CCDC66: variants seen among roughly 807,000 people sequenced by gnomAD.
The protein encoded by CCDC66 is coiled-coil domain-containing protein 66.
A neutral mutation model predicts 128.3 loss-of-function variants in CCDC66; 133 were observed. The observed-to-expected ratio is 1.04, with a 90% confidence interval of 0.90 to 1.20. CCDC66 has a LOEUF of 1.20. Among genes scored for constraint, CCDC66 ranks in the 50% most tolerant of loss-of-function variants. CCDC66 has a pLI of 0.00. For missense variants in CCDC66, 1,126 were observed against 1,075.5 expected (o/e 1.05, Z -0.66); for synonymous variants, 387 against 357.0 (o/e 1.08, Z -0.95).
At chr3:56,617,028 A>T in intron 13 of CCDC66, 84 bp from the exon 14 acceptor site, 2 of 1,117,790 alleles carry the variant, frequency 1.8e-6, no homozygotes, top group Non-Finnish European at 2.5e-6. Flanking sequence ...AGAGGGCAAT[A>T]ATTGTTTAAT....
intron 7 of CCDC66, among the ~76,000 whole-genome samples, chr3:56,573,582 G>A (rs2066924774): frequency 6.6e-6 from 1 of 152,214 alleles, no homozygotes. Flanking sequence ...GTCAGCGTTA[G>A]CATGATCCAA....
chr3:56,616,030 A>T lies in CCDC66; in HGVS notation c.1820A>T (p.Lys607Met), dbSNP rs78390431. 6 of 1,365,830 alleles carry T rather than the reference A, an allele frequency of 4.4e-6. No individual in the cohort carries two copies. Among genetic ancestry groups the T allele is most frequent in the African/African-American group, 3.5e-5 (2 of 57,134 alleles). The allele number at this position is 1,365,830 out of a possible 1,614,324, so 84.6% of individuals were successfully genotyped here. A position where few individuals can be genotyped will look rare whatever the true frequency, so the allele number is the denominator to read the frequency against. ...ACATATATGAATTCTACGACTTCTA[A>T]GAAGGATACTGGTGTGCAAACAGGT... is the stretch of plus-strand genomic sequence containing the variant. Reference protein sequence around the residue: ...MNTYMNSTTSKKDTGVQTDDL... With the variant: ...MNTYMNSTTSMKDTGVQTDDL... Residue 607 changes from lysine to methionine, a missense_variant, in exon 13 of 18, where the codon AAG (lysine) becomes ATG (methionine). Transcript: ENST00000394672.
At chr3:56,615,459 G>A in intron 12 of CCDC66, 187 bp downstream of exon 12, 1 of 568,984 alleles carries the variant, frequency 1.8e-6, no homozygotes, top group Non-Finnish European at 2.9e-6. Flanking sequence ...GCCCAGGCTG[G>A]TCTTGCTGCC....
At position 56,593,474 on chromosome 3, in the gene CCDC66, T is replaced by G. The variant is rs2071304489; in HGVS notation, c.1069-17T>G. 6.2e-7 allele frequency: 1 copy of G among 1,605,834 alleles called. No individual in the cohort carries two copies. Among genetic ancestry groups the G allele is most frequent in the Non-Finnish European group, 8.5e-7 (1 of 1,174,834 alleles). On this transcript the variant is annotated splice_polypyrimidine_tract_variant and intron_variant, in intron 8 of 17. Transcript: ENST00000394672. ...TAATTGGAAAAATTCTTAGCAATTC[T>G]TATTTGTCATCATTAGGGTGAGGAA...
At chr3:56,598,559 T>C (rs961387842) in intron 10 of CCDC66, among the ~76,000 whole-genome samples, 1 of 151,950 alleles carries the variant, frequency 6.6e-6, no homozygotes, top group African/African-American at 2.4e-5. Context: ...GTTTGTCATA[T>C]ATAGTCTTTA....
intron 6 of CCDC66, among the ~76,000 whole-genome samples, chr3:56,567,327 T>A (rs1252197962): frequency 6.6e-6 from 1 of 152,014 alleles, no homozygotes; most frequent in Non-Finnish European, 1.5e-5. Context: ...GAGGCAGAGG[T>A]TGCAGTGAGC....
In CCDC66 at chr3:56,566,746, CA is replaced by C; in HGVS notation, c.703del (p.Ile235LeufsTer3). 1 of 1,608,308 alleles carries C rather than the reference CA, an allele frequency of 6.2e-7. No individual in the cohort carries two copies. The highest frequency in any genetic ancestry group is 8.5e-7 in the Non-Finnish European group (1 of 1,177,662). On this transcript the variant is annotated frameshift_variant, in exon 5 of 18. Transcript: ENST00000394672. LOFTEE classifies it high-confidence loss of function. The part of the protein sequence containing the change: ...EHQETSKQCE[Q>X]KIAIENEWKP... ...TCAGGAGACATCTAAACAGTGTGAGCAAAAAATTGCCATGTATGTAACTCCT... is the reference window on the plus strand; with the variant it reads ...TCAGGAGACATCTAAACAGTGTGAGCAAAAATTGCCATGTATGTAACTCCT...
intron 17 of CCDC66, 64 bp from the exon 18 acceptor site, chr3:56,621,468 T>C (rs1356618297): frequency 9.3e-7 from 1 of 1,079,384 alleles, no homozygotes; most frequent in Non-Finnish European, 1.3e-6. Flanking sequence ...AATTCTAGTT[T>C]AACACAACAT....
In CCDC66 at chr3:56,597,777, G is replaced by GTTTTTTTTTTTTTTT. The variant is rs3064563; in HGVS notation, c.1404+3750_1404+3764dup. 3.0e-4 allele frequency among the ~76,000 whole-genome samples: 26 copies of GTTTTTTTTTTTTTTT among 87,954 alleles called. 3 individuals are homozygous for GTTTTTTTTTTTTTTT. In the East Asian group the frequency reaches 3.4e-3, roughly 12 times the overall value. The allele number at this position is 87,954 out of a possible 152,430, so 57.7% of individuals were successfully genotyped here. On this transcript the variant is annotated intron_variant, in intron 10 of 17. Transcript: ENST00000394672. Reference sequence around the variant, plus strand: ...TGTGGAGTCTAGGTTTTGTTTTGGGGTTTTTTTTTTTTTTTGAGACAGAGC... The same window carrying GTTTTTTTTTTTTTTT: ...TGTGGAGTCTAGGTTTTGTTTTGGGGTTTTTTTTTTTTTTTTTTTTTTTTTTTTTTGAGACAGAGC...
At position 56,558,916 on chromosome 3, in the gene CCDC66, T is replaced by C. The variant is rs2064729298; in HGVS notation, c.76+6T>C. 1.3e-6 allele frequency: 2 copies of C among 1,529,898 alleles called. No homozygotes were observed. Among genetic ancestry groups the C allele is most frequent in the African/African-American group, 1.4e-5 (1 of 72,438 alleles). The allele number at this position is 1,529,898 out of a possible 1,614,324, so 94.8% of individuals were successfully genotyped here. A position where few individuals can be genotyped will look rare whatever the true frequency, so the allele number is the denominator to read the frequency against. On this transcript the variant is annotated splice_donor_region_variant and intron_variant, in intron 2 of 17. Coordinates refer to ENST00000394672, the MANE Select transcript of CCDC66 (RefSeq NM_001141947.3). ...GCTAATATTGTCTCCATATGGTATG[T>C]TGTGTTACAGAAATCTGAAATGTTA...
At chr3:56,593,205 C>G in intron 8 of CCDC66, 104 bp downstream of exon 8, 1 of 967,276 alleles carries the variant, frequency 1.0e-6, no homozygotes, top group Non-Finnish European at 1.5e-6. Flanking sequence ...CCAGAATATT[C>G]CATTTATTCC....
At position 56,558,859 on chromosome 3, in the gene CCDC66, C is replaced by T; in HGVS notation, c.25C>T (p.Leu9Phe). ...TTTTTATTACAGAGATGGTTTAAAG[C>T]TTGAAACTGAATTACTGGATGGAAA... MNLGDGLK[L>F]ETELLDGKTK... is the part of the protein sequence containing the mutation. Residue 9 changes from leucine (L) to phenylalanine (F), a missense_variant, in exon 2 of 18, where the codon CTT (leucine) becomes TTT (phenylalanine). Physicochemically the swap from Leu to Phe is conservative, Grantham distance 22. Coordinates refer to ENST00000394672, the MANE Select transcript of CCDC66 (RefSeq NM_001141947.3). 6.5e-7 allele frequency: 1 copy of T among 1,548,810 alleles called. No individual in the cohort carries two copies. Among genetic ancestry groups the T allele is most frequent in the Admixed American group, 2.0e-5 (1 of 50,948 alleles).
intron 7 of CCDC66, among the ~76,000 whole-genome samples, chr3:56,584,154 G>A (rs2069038730): frequency 6.8e-6 from 1 of 146,270 alleles, no homozygotes; most frequent in Non-Finnish European, 1.5e-5. Context: ...GCCGGGCGGG[G>A]GCGGCCCCCC....
Position 56,621,685 on chromosome 3 carries a change from C to T in CCDC66, c.*67C>T, listed in dbSNP as rs1274439286. 6 of 1,099,350 alleles carry T rather than the reference C, an allele frequency of 5.5e-6. No homozygotes were observed. Among genetic ancestry groups the T allele is most frequent in the Non-Finnish European group, 8.0e-6 (6 of 750,336 alleles). 68.1% of individuals were successfully genotyped at this position (1,099,350 alleles called of 1,614,324 possible). On this transcript the variant is annotated 3_prime_UTR_variant, in exon 18 of 18. Coordinates refer to ENST00000394672, the MANE Select transcript of CCDC66 (RefSeq NM_001141947.3). ...AAATTATAAAATGTGCTCACTGGCT[C>T]AACTGTATTTTTCAAATAGCCTAGA... is the stretch of plus-strand genomic sequence containing the variant.
chr3:56,557,852 CTA>C (rs1217553292), intron 1 of CCDC66: 1 of 152,652 alleles, frequency 6.6e-6, no homozygotes, highest in Non-Finnish European at 1.5e-5. Flanking sequence ...TCAGACCTAA[CTA>C]CACATCGTTC....
intron 10 of CCDC66, among the ~76,000 whole-genome samples, chr3:56,612,977 G>A (rs951409388): frequency 6.6e-5 from 10 of 152,158 alleles, no homozygotes; most frequent in Non-Finnish European, 1.5e-4. Flanking sequence ...CTGCATTGTA[G>A]CTCTGCTACT....
chr3:56,578,283 G>T (rs1391562090), intron 7 of CCDC66, among the ~76,000 whole-genome samples: 1 of 151,738 alleles, frequency 6.6e-6, no homozygotes, highest in African/African-American at 2.4e-5. Flanking sequence ...TGCTGAAGTT[G>T]CTTATCAGCT....
At chr3:56,582,872 T>G (rs2068675813) in intron 7 of CCDC66, among the ~76,000 whole-genome samples, 1 of 146,582 alleles carries the variant, frequency 6.8e-6, no homozygotes, top group East Asian at 2.0e-4. Flanking sequence ...TTATTATTAT[T>G]ATTATTATTA....
At chr3:56,620,898 A>C (rs780869442) in intron 17 of CCDC66, 4 of 152,718 alleles carry the variant, frequency 2.6e-5, no homozygotes, top group Non-Finnish European at 5.8e-5. Context: ...CAAGCCTGTA[A>C]TCCCAGCACT....
Sources: allele counts gnomAD v4.1 joint callset (sites outside exome capture counted in the v4.1 genomes callset), GRCh38; gene constraint gnomAD v4.1.1; transcripts MANE v1.5; gene names NCBI Gene and HGNC (gene_info 2026-07-23, HGNC 2026-07-21).